The following TIAM1 variants were observed in gnomAD, a reference collection of about 807,000 sequenced individuals.
The protein encoded by TIAM1 is rho guanine nucleotide exchange factor TIAM1.
In TIAM1, 65 loss-of-function variants were observed where a neutral mutation model predicts 163.5. The observed-to-expected ratio is 0.40, with a 90% CI of 0.33 to 0.49. The LOEUF is 0.49. TIAM1 is among the 20% of genes least tolerant of loss of function. The pLI is 0.77. For synonymous variants in TIAM1, 833 were observed against 810.1 expected (o/e 1.03, Z -0.48); for missense variants, 1,789 against 2,044.7 (o/e 0.87, Z 2.41).
chr21:31,183,616 C>T (rs1286071047), intron 14 of TIAM1, among the ~76,000 whole-genome samples: 1 of 152,154 alleles, frequency 6.6e-6, no homozygotes, highest in Admixed American at 6.5e-5. Flanking sequence ...AATGACCCTA[C>T]AAAGAAGTTC....
chr21:31,374,530 C>G (rs2147161759), intron 2 of TIAM1, among the ~76,000 whole-genome samples: 1 of 152,308 alleles, frequency 6.6e-6, no homozygotes, highest in East Asian at 1.9e-4. Flanking sequence ...CCCTCCCTGA[C>G]TCCTCAAATT....
intron 2 of TIAM1, among the ~76,000 whole-genome samples, chr21:31,291,280 TA>T (rs994804672): frequency 2.0e-5 from 3 of 152,188 alleles, no homozygotes; most frequent in Admixed American, 2.0e-4. Context: ...AAATTATTTT[TA>T]AAAAAGTTAT....
intron 1 of TIAM1, among the ~76,000 whole-genome samples, chr21:31,342,231 G>A (rs1305169637): frequency 2.6e-5 from 4 of 152,002 alleles, no homozygotes; most frequent in African/African-American, 9.7e-5. Context: ...GATCACTTGA[G>A]CCCAGGAGCT....
At chr21:31,432,807 G>C (rs2044087838) in intron 2 of TIAM1, among the ~76,000 whole-genome samples, 1 of 151,894 alleles carries the variant, frequency 6.6e-6, no homozygotes, top group South Asian at 2.1e-4. Context: ...GGGCCAGACT[G>C]TGGAAGGTCT....
intron 13 of TIAM1, among the ~76,000 whole-genome samples, chr21:31,189,887 C>A (rs1250765699): frequency 6.6e-6 from 1 of 152,174 alleles, no homozygotes; most frequent in Non-Finnish European, 1.5e-5. Context: ...AGTTAATCAG[C>A]AAAGTCAGAT....
At chr21:31,155,329 G>A (rs922513197) in intron 16 of TIAM1, among the ~76,000 whole-genome samples, 5 of 152,268 alleles carry the variant, frequency 3.3e-5, no homozygotes, top group African/African-American at 4.8e-5. Flanking sequence ...TCAACCTCCC[G>A]ATGCCCATGC....
chr21:31,235,997 T>C (rs1317128910), intron 6 of TIAM1, among the ~76,000 whole-genome samples: 2 of 152,230 alleles, frequency 1.3e-5, no homozygotes, highest in Non-Finnish European at 2.9e-5. Context: ...TCCCATAGTT[T>C]GGAGGGCTTT....
intron 25 of TIAM1, 118 bp downstream of exon 25, chr21:31,130,095 G>GAAAAAA: frequency 3.5e-6 from 2 of 574,034 alleles, no homozygotes; most frequent in East Asian, 3.5e-5. Context: ...TTAAGCATAG[G>GAAAAAA]GAAAAAAAAA....
intron 1 of TIAM1, among the ~76,000 whole-genome samples, chr21:31,535,729 T>C (rs2048110926): frequency 1.4e-5 from 2 of 139,782 alleles, no homozygotes; most frequent in Admixed American, 7.7e-5. Context: ...TACCTTCCCA[T>C]GGGAACAAAA....
At chr21:31,367,549 C>T (rs780363512) in intron 2 of TIAM1, among the ~76,000 whole-genome samples, 4 of 152,066 alleles carry the variant, frequency 2.6e-5, no homozygotes, top group Non-Finnish European at 5.9e-5. Context: ...ACTTACCTAC[C>T]TAATAAGTTT....
intron 1 of TIAM1, among the ~76,000 whole-genome samples, chr21:31,524,698 T>C (rs2047721343): frequency 6.6e-6 from 1 of 152,220 alleles, no homozygotes; most frequent in African/African-American, 2.4e-5. Context: ...TTGAACACTA[T>C]GCCCAAGAGT....
intron 1 of TIAM1, among the ~76,000 whole-genome samples, chr21:31,553,724 A>C (rs1055723377): frequency 7.2e-5 from 11 of 152,130 alleles, no homozygotes; most frequent in African/African-American, 2.7e-4. Context: ...CAAGGCTCAG[A>C]GGAGAGGTTT....
intron 16 of TIAM1, among the ~76,000 whole-genome samples, chr21:31,161,160 A>C (rs2146351327): frequency 6.6e-6 from 1 of 152,262 alleles, no homozygotes; most frequent in East Asian, 1.9e-4. Flanking sequence ...AATATGGATG[A>C]GAAAGAAAAA....
intron 2 of TIAM1, 102 bp downstream of exon 2, chr21:31,339,141 T>C (rs1265539475): frequency 1.8e-5 from 7 of 391,422 alleles, no homozygotes; most frequent in Non-Finnish European, 3.2e-5. Flanking sequence ...ACAATGAACT[T>C]TCTATTGTCC....
intron 7 of TIAM1, 142 bp downstream of exon 7, chr21:31,225,584 G>A (rs749157317): frequency 1.4e-4 from 91 of 664,118 alleles, no homozygotes; most frequent in Middle Eastern, 7.4e-4. Context: ...GACAGTCACA[G>A]TAAAGAACTT....
At position 31,154,334 on chromosome 21, in the gene TIAM1, C is replaced by T; in HGVS notation, c.3084G>A (p.Gln1028=). ...SPSPQDSTGP[Q]LATMRQLSDA... ...CCGAGAGTTGTCTCATGGTCGCCAG[C>T]TGAGGCCCCGTGGAGTCCTGAGGAG... Residue 1028 remains glutamine (Q), a synonymous_variant, in exon 17 of 28, where the codon CAG becomes CAA. Transcript: ENST00000541036. 2 of 1,614,174 alleles carry T rather than the reference C, an allele frequency of 1.2e-6. No individual in the cohort carries two copies. Among genetic ancestry groups the T allele is most frequent in the Non-Finnish European group, 1.7e-6 (2 of 1,180,030 alleles).
chr21:31,255,161 T>C (rs1190306049), intron 4 of TIAM1, among the ~76,000 whole-genome samples: 1 of 152,182 alleles, frequency 6.6e-6, no homozygotes, highest in Non-Finnish European at 1.5e-5. Flanking sequence ...GGGCCCCAGG[T>C]GAGCTTGCAT....
At chr21:31,131,611 G>C (rs1338559216) in intron 23 of TIAM1, among the ~76,000 whole-genome samples, 1 of 152,176 alleles carries the variant, frequency 6.6e-6, no homozygotes, top group Non-Finnish European at 1.5e-5. Flanking sequence ...TTAACCTGCA[G>C]TGATTCTGAT....
intron 1 of TIAM1, among the ~76,000 whole-genome samples, chr21:31,547,990 C>T (rs1173751344): frequency 6.6e-6 from 1 of 152,152 alleles, no homozygotes; most frequent in Non-Finnish European, 1.5e-5. Flanking sequence ...AAGGAAGATA[C>T]ACTTTCTTAA....
Sources: allele counts gnomAD v4.1 joint callset (sites outside exome capture counted in the v4.1 genomes callset), GRCh38; gene constraint gnomAD v4.1.1; transcripts MANE v1.5; gene names NCBI Gene and HGNC (gene_info 2026-07-23, HGNC 2026-07-21).